The following SORL1 variants were observed in gnomAD, a reference collection of about 807,000 sequenced individuals.
SORL1 encodes sortilin-related receptor.
A neutral mutation model predicts 273.7 loss-of-function variants in SORL1; 127 were observed. The ratio of observed to expected loss-of-function variants is 0.46; its 90% CI spans 0.40 to 0.54. SORL1 has a LOEUF of 0.54. Among genes scored for constraint, SORL1 ranks in the 20% least tolerant of loss-of-function variants. The probability of loss-of-function intolerance (pLI) is 0.00; values close to 1 mark genes in which losing one functional copy is unlikely to be tolerated. For missense variants in SORL1, 2,494 were observed against 2,846.1 expected (o/e 0.88, Z 2.81); for synonymous variants, 1,031 against 1,067.4 (o/e 0.97, Z 0.66).
chr11:121,526,170 T>C (rs1862121074), intron 11 of SORL1, among the ~76,000 whole-genome samples: 1 of 152,242 alleles, frequency 6.6e-6, no homozygotes, highest in Non-Finnish European at 1.5e-5. Context: ...TTTTTCCATA[T>C]GGAGATCTAA....
At chr11:121,571,146 C>T (rs763723090) in intron 23 of SORL1, among the ~76,000 whole-genome samples, 15 of 152,194 alleles carry the variant, frequency 9.9e-5, no homozygotes, top group Non-Finnish European at 1.8e-4. Context: ...ACGGGCACTG[C>T]GATGCGGAAG....
chr11:121,514,418 G>T, intron 8 of SORL1, 97 bp downstream of exon 8: 1 of 1,240,094 alleles, frequency 8.1e-7, no homozygotes, highest in Non-Finnish European at 1.1e-6. Context: ...TGCCCATGTG[G>T]ATACACCCGG....
chr11:121,522,568 G>C lies in SORL1; in HGVS notation c.1405-18G>C. ...ATGGTATCATGTGCTGACACTGCCTGAAACTTTGGTTGTATAGCTTTCCCA... is the reference window on the plus strand; with the variant it reads ...ATGGTATCATGTGCTGACACTGCCTCAAACTTTGGTTGTATAGCTTTCCCA... On this transcript the variant is annotated intron_variant, in intron 9 of 47. Transcript: ENST00000260197. 6.3e-7 allele frequency: 1 copy of C among 1,591,710 alleles called. No individual in the cohort carries two copies. The highest frequency in any genetic ancestry group is 8.6e-7 in the Non-Finnish European group (1 of 1,159,734).
At chr11:121,504,824 G>A (rs1861763642) in intron 6 of SORL1, among the ~76,000 whole-genome samples, 1 of 152,060 alleles carries the variant, frequency 6.6e-6, no homozygotes, top group African/African-American at 2.4e-5. Flanking sequence ...TTAACTGTGA[G>A]GTTTTTCTAG....
chr11:121,569,056 T>C (rs143465924), intron 22 of SORL1, among the ~76,000 whole-genome samples: 2,646 of 152,376 alleles, frequency 0.017, 40 homozygotes, highest in Middle Eastern at 0.048. Context: ...CCCAAATTAA[T>C]ACTTTTATAA....
intron 21 of SORL1, among the ~76,000 whole-genome samples, chr11:121,565,910 G>T (rs1185284445): frequency 6.6e-6 from 1 of 152,212 alleles, no homozygotes; most frequent in Non-Finnish European, 1.5e-5. Flanking sequence ...ATTGGCAGGA[G>T]TGGGCTAGAT....
At chr11:121,593,381 C>T (rs147836317) in intron 31 of SORL1, among the ~76,000 whole-genome samples, 464 of 152,312 alleles carry the variant, frequency 3.0e-3, no homozygotes, top group Non-Finnish European at 4.5e-3. Context: ...GCCTTTCAGT[C>T]GCCACTCAGG....
intron 42 of SORL1, 61 bp downstream of exon 42, chr11:121,618,954 C>T (rs753533797): frequency 1.8e-5 from 29 of 1,588,302 alleles, no homozygotes; most frequent in Non-Finnish European, 2.5e-5. Context: ...GCTCTGGTCT[C>T]AACCCAGGAC....
intron 46 of SORL1, among the ~76,000 whole-genome samples, chr11:121,625,721 A>G (rs978695565): frequency 2.6e-5 from 4 of 152,132 alleles, no homozygotes; most frequent in African/African-American, 7.2e-5. Context: ...GCTTCATCTT[A>G]GCTCTCAGCA....
At chr11:121,476,727 C>T (rs1285124508) in intron 2 of SORL1, among the ~76,000 whole-genome samples, 1 of 129,144 alleles carries the variant, frequency 7.7e-6, no homozygotes, top group African/African-American at 2.9e-5. Flanking sequence ...TCCCTCCCTT[C>T]TCCTCCCTCC....
chr11:121,519,433 A>C (rs992630578), intron 8 of SORL1, among the ~76,000 whole-genome samples: 6 of 147,664 alleles, frequency 4.1e-5, no homozygotes, highest in African/African-American at 1.5e-4. Context: ...TTTGAGACGG[A>C]GTCTCGCTCT....
chr11:121,612,519 C>A (rs2276080), intron 39 of SORL1: 2 of 373,390 alleles, frequency 5.4e-6, no homozygotes, highest in Non-Finnish European at 9.8e-6. Context: ...TAAATATGGT[C>A]TCGTTTGTTT....
chr11:121,628,053 G>C (rs148065166), intron 47 of SORL1, among the ~76,000 whole-genome samples: 4 of 152,296 alleles, frequency 2.6e-5, no homozygotes, highest in African/African-American at 9.6e-5. Flanking sequence ...AAATCCTCAA[G>C]AATATCTGAC....
At chr11:121,478,080 A>AACT (rs1861307501) in intron 2 of SORL1, 38 bp from the exon 3 acceptor site, 1 of 1,562,962 alleles carries the variant, frequency 6.4e-7, no homozygotes, top group South Asian at 1.2e-5. Context: ...GTTTCTCACC[A>AACT]ACTCTTTCTT....
intron 45 of SORL1, 94 bp downstream of exon 45, chr11:121,622,362 G>A (rs560817954): frequency 6.0e-6 from 3 of 503,148 alleles, no homozygotes; most frequent in Non-Finnish European, 9.7e-6. Flanking sequence ...CATAGATAGT[G>A]TAAAAAAAAA....
chr11:121,569,706 A>C (rs975085968), intron 22 of SORL1, among the ~76,000 whole-genome samples: 6 of 152,188 alleles, frequency 3.9e-5, no homozygotes, highest in African/African-American at 1.4e-4. Flanking sequence ...CTTCATTAGC[A>C]ATTTTAATTT....
At chr11:121,582,590 G>A (rs919700574) in intron 25 of SORL1, among the ~76,000 whole-genome samples, 16 of 152,336 alleles carry the variant, frequency 1.1e-4, no homozygotes, top group African/African-American at 3.4e-4. Context: ...GTTTGACTGA[G>A]TTTTTGAGGT....
intron 17 of SORL1, 90 bp from the exon 18 acceptor site, chr11:121,555,097 G>T: frequency 2.9e-6 from 4 of 1,367,660 alleles, no homozygotes; most frequent in Middle Eastern, 4.0e-4. Context: ...AGTCCTGCCA[G>T]TTGAATAAAG....
chr11:121,554,487 C>T lies in SORL1; in HGVS notation c.2439+378C>T, dbSNP rs897882508. On this transcript the variant is annotated intron_variant, in intron 17 of 47. Coordinates refer to ENST00000260197, the MANE Select transcript of SORL1 (RefSeq NM_003105.6). The surrounding 1 kb of genome is among the most constrained non-coding windows in gnomAD (Gnocchi z 4.6). ...TAACACTTGACTTACCCATAGCTCA[C>T]ATAATTATCCACTTCAGCTGTTCTG... Among the ~76,000 whole-genome samples the T allele has an allele frequency of 6.6e-6, 1 of 152,194 alleles. No homozygotes were observed. The highest frequency in any genetic ancestry group is 6.5e-5 in the Admixed American group (1 of 15,284).
Sources: gnomAD v4.1 joint callset for allele counts (sites outside exome capture counted in the v4.1 genomes callset) on GRCh38, gnomAD v4.1.1 for gene constraint, Gnocchi (gnomAD v3.1) non-coding constraint, MANE v1.5 for transcripts, NCBI Gene and HGNC (gene_info 2026-07-23, HGNC 2026-07-21) for gene names.